Variants in KIFAP3 observed in about 807,000 individuals in gnomAD.
KIFAP3 encodes the protein kinesin associated protein 3.
KIFAP3 carries 68 observed loss-of-function variants against 106.5 expected under a neutral mutation model. That is an observed-to-expected ratio of 0.64 (90% CI 0.53 to 0.78). The LOEUF is 0.78. Among genes scored for constraint, KIFAP3 ranks in the 30% least tolerant of loss-of-function variants. KIFAP3 has a pLI of 0.00. For synonymous variants in KIFAP3, 320 were observed against 311.5 expected (o/e 1.03, Z -0.29); for missense variants, 780 against 941.8 (o/e 0.83, Z 2.25).
chr1:170,077,072 G>A (rs1240808653), upstream of KIFAP3, among the ~76,000 whole-genome samples: 5 of 152,012 alleles, frequency 3.3e-5, no homozygotes, highest in African/African-American at 1.2e-4. Flanking sequence ...CTGTACAAAC[G>A]CACCAATTAG....
At chr1:169,927,611 T>C (rs1663214427) in intron 19 of KIFAP3, among the ~76,000 whole-genome samples, 1 of 152,180 alleles carries the variant, frequency 6.6e-6, no homozygotes, top group Admixed American at 6.5e-5. Flanking sequence ...GCTCTAGTAT[T>C]GTATCTGACA....
Position 170,039,282 on chromosome 1 carries a change from T to C in KIFAP3, c.326A>G (p.Lys109Arg). 1 of 1,593,652 alleles carries C rather than the reference T, an allele frequency of 6.3e-7. No individual in the cohort carries two copies. Among genetic ancestry groups the C allele is most frequent in the Non-Finnish European group, 8.6e-7 (1 of 1,166,910 alleles). The stretch of plus-strand genomic sequence containing the variant: ...ATCTTTAGGCTTGCTTGATTTTTCT[T>C]TTTTCTCTGTAAAAAGATTTTTTTT... ...RRDSLSGKEK[K>R]EKSSKPKDPP... is the part of the protein sequence containing the mutation. The change falls in exon 4 of 20, where the codon AAA becomes AGA. Residue 109 changes from lysine to arginine, a missense_variant. Physicochemically the swap from Lys to Arg is conservative, Grantham distance 26. Transcript: ENST00000361580.
chr1:169,983,629 T>C lies in KIFAP3; in HGVS notation c.1394-247A>G, dbSNP rs555583481. On this transcript the variant is annotated intron_variant, in intron 12 of 19. Coordinates refer to ENST00000361580, the MANE Select transcript of KIFAP3 (RefSeq NM_014970.4). ...TTCCCAGATATAATCACTTTTCCTC[T>C]TCCCTGTCTCATTTTTAAACATATA... is the stretch of plus-strand genomic sequence containing the variant. Among the ~76,000 whole-genome samples, 6 of 152,014 alleles carry C rather than the reference T, an allele frequency of 3.9e-5. No homozygotes were observed. In the South Asian group the frequency reaches 6.2e-4, roughly 16 times the overall value.
rs555299608 is a variant in KIFAP3 at position 169,944,179 on chromosome 1, C to T, written c.2273+9832G>A. On this transcript the variant is annotated intron_variant, in intron 19 of 19. Coordinates refer to ENST00000361580, the MANE Select transcript of KIFAP3 (RefSeq NM_014970.4). Reference sequence around the variant, plus strand: ...TGCCAAGGGTTAGCCAGGTGTGGAGCGGCGAGGTTGTGTGGGTGACCAAGC... The same window carrying T: ...TGCCAAGGGTTAGCCAGGTGTGGAGTGGCGAGGTTGTGTGGGTGACCAAGC... 1.6e-4 allele frequency among the ~76,000 whole-genome samples: 3 copies of T among 18,696 alleles called. No individual in the cohort carries two copies. In the East Asian group the frequency reaches 0.021, roughly 128 times the overall value. The allele number at this position is 18,696 out of a possible 152,430, so 12.3% of individuals were successfully genotyped here.
At chr1:169,937,809 T>C (rs1663893136) in intron 19 of KIFAP3, among the ~76,000 whole-genome samples, 1 of 151,848 alleles carries the variant, frequency 6.6e-6, no homozygotes, top group Non-Finnish European at 1.5e-5. Flanking sequence ...CCCTGATGTT[T>C]AAACATGGAG....
At chr1:170,042,709 T>C (rs898850631) in intron 3 of KIFAP3, among the ~76,000 whole-genome samples, 2 of 152,202 alleles carry the variant, frequency 1.3e-5, no homozygotes, top group Non-Finnish European at 2.9e-5. Flanking sequence ...CTTTATACTA[T>C]ATACTCTGGT....
intron 17 of KIFAP3, among the ~76,000 whole-genome samples, chr1:169,961,642 C>T (rs1224317772): frequency 6.6e-6 from 1 of 152,012 alleles, no homozygotes; most frequent in Non-Finnish European, 1.5e-5. Context: ...CCACCTCTGC[C>T]ACCCCTGAGA....
intron 11 of KIFAP3, among the ~76,000 whole-genome samples, chr1:169,991,101 G>A (rs1324756463): frequency 6.6e-6 from 1 of 152,080 alleles, no homozygotes; most frequent in Non-Finnish European, 1.5e-5. Context: ...CACTTTGGGA[G>A]GACAAGCGGG....
chr1:169,992,554 T>C (rs1275898717), intron 10 of KIFAP3, among the ~76,000 whole-genome samples: 1 of 152,162 alleles, frequency 6.6e-6, no homozygotes, highest in Non-Finnish European at 1.5e-5. Flanking sequence ...AATTGGGTCA[T>C]TAGCCTCCCC....
intron 10 of KIFAP3, among the ~76,000 whole-genome samples, chr1:170,005,680 G>A (rs1258669945): frequency 1.5e-5 from 2 of 137,702 alleles, no homozygotes; most frequent in Non-Finnish European, 3.1e-5. Context: ...ACACAGGAAG[G>A]GGAACATCAC....
At chr1:170,037,031 G>A (rs1669725919) in intron 5 of KIFAP3, among the ~76,000 whole-genome samples, 1 of 152,040 alleles carries the variant, frequency 6.6e-6, no homozygotes, top group African/African-American at 2.4e-5. Flanking sequence ...GCAAAAGAAA[G>A]CAATTTGGAA....
intron 9 of KIFAP3, among the ~76,000 whole-genome samples, chr1:170,021,133 GAAAATT>G (rs1009779688): frequency 6.6e-6 from 1 of 152,052 alleles, no homozygotes; most frequent in African/African-American, 2.4e-5. Flanking sequence ...TTAGCAGTAA[GAAAATT>G]AAGCAAACTA....
chr1:170,077,367 GA>G (rs758026569), upstream of KIFAP3, among the ~76,000 whole-genome samples: 11 of 152,278 alleles, frequency 7.2e-5, no homozygotes, highest in South Asian at 8.3e-4. Flanking sequence ...AGTAGAAAAT[GA>G]AAAACAGAAA....
intron 10 of KIFAP3, among the ~76,000 whole-genome samples, chr1:170,002,984 A>G (rs1266550802): frequency 2.0e-5 from 3 of 152,324 alleles, no homozygotes; most frequent in Middle Eastern, 3.4e-3. Context: ...ACAGTTTACT[A>G]ACCTAGGATT....
chr1:169,961,077 A>C lies in KIFAP3; in HGVS notation c.2142T>G (p.Ile714Met). Residue 714 changes from isoleucine (I) to methionine (M), a missense_variant, in exon 18 of 20, where the codon ATT (isoleucine) becomes ATG (methionine). By Grantham distance (10) the Ile-to-Met change is conservative. Transcript: ENST00000361580. ...RIEPYIHEGD[I>M]LERPDLFYNS... ...TGTAGAAAAGGTCAGGTCTTTCGAGAATATCTCCTTCATGAATGTATGGCT... is the reference window on the plus strand; with the variant it reads ...TGTAGAAAAGGTCAGGTCTTTCGAGCATATCTCCTTCATGAATGTATGGCT... 6.2e-7 allele frequency: 1 copy of C among 1,612,644 alleles called. No individual in the cohort carries two copies. The highest frequency in any genetic ancestry group is 8.5e-7 in the Non-Finnish European group (1 of 1,179,252).
At chr1:169,972,206 G>C (rs1665959184) in intron 17 of KIFAP3, among the ~76,000 whole-genome samples, 1 of 151,868 alleles carries the variant, frequency 6.6e-6, no homozygotes, top group Admixed American at 6.6e-5. Context: ...TGTTTTGACA[G>C]AAACTGTCTT....
At chr1:170,049,649 T>C (rs12127174) in intron 2 of KIFAP3, among the ~76,000 whole-genome samples, 9,656 of 152,220 alleles carry the variant, frequency 0.063, 389 homozygotes, top group Non-Finnish European at 0.095. Flanking sequence ...GAGCAGGCAG[T>C]AATCTTTGCT....
chr1:169,932,646 G>A (rs984749168), intron 19 of KIFAP3, among the ~76,000 whole-genome samples: 1 of 149,936 alleles, frequency 6.7e-6, no homozygotes, highest in African/African-American at 2.5e-5. Flanking sequence ...CATAATACTA[G>A]TCTCTCTTAT....
chr1:170,018,448 C>T (rs775489114), intron 9 of KIFAP3, among the ~76,000 whole-genome samples: 31 of 151,924 alleles, frequency 2.0e-4, no homozygotes, highest in Non-Finnish European at 3.1e-4. Flanking sequence ...AGGTAGCAAT[C>T]GGAAAACTTT....
Sources: gnomAD v4.1 joint callset for allele counts (sites outside exome capture counted in the v4.1 genomes callset) on GRCh38, gnomAD v4.1.1 for gene constraint, MANE v1.5 for transcripts, NCBI Gene and HGNC (gene_info 2026-07-23, HGNC 2026-07-21) for gene names.